Variants in IMPG1 observed in about 807,000 individuals in gnomAD.
IMPG1 encodes interphotoreceptor matrix proteoglycan 1, also known as interphotoreceptor matrix proteoglycan of 150 kDa.
IMPG1 carries 85 observed loss-of-function variants against 92.0 expected under a neutral mutation model. That is an observed-to-expected ratio of 0.92 (90% CI 0.78 to 1.11). The LOEUF is 1.11. Among genes scored for constraint, IMPG1 ranks in the 50% least tolerant of loss-of-function variants. The pLI is 0.00. For synonymous variants in IMPG1, 367 were observed against 334.1 expected (o/e 1.10, Z -1.08); for missense variants, 1,022 against 956.0 (o/e 1.07, Z -0.91).
chr6:76,019,879 A>G (rs1783385848), intron 6 of IMPG1, among the ~76,000 whole-genome samples: 1 of 152,184 alleles, frequency 6.6e-6, no homozygotes, highest in Non-Finnish European at 1.5e-5. Context: ...AACTTATATT[A>G]GCTTTTGAAG....
intron 1 of IMPG1, among the ~76,000 whole-genome samples, chr6:76,060,555 C>T (rs1264707572): frequency 6.6e-6 from 1 of 152,134 alleles, no homozygotes; most frequent in East Asian, 1.9e-4. Context: ...GTTTCATCTG[C>T]CTTGGTGCTC....
chr6:76,041,306 G>C (rs761728790), intron 2 of IMPG1, among the ~76,000 whole-genome samples: 9 of 152,058 alleles, frequency 5.9e-5, no homozygotes, highest in Non-Finnish European at 1.0e-4. Context: ...CTGTGACTCT[G>C]CTGGAAACCA....
intron 12 of IMPG1, among the ~76,000 whole-genome samples, chr6:75,964,093 A>T (rs1468508442): frequency 6.6e-6 from 1 of 152,166 alleles, no homozygotes; most frequent in East Asian, 1.9e-4. Flanking sequence ...GGGAATCTAG[A>T]GGGCCACTTT....
intron 1 of IMPG1, among the ~76,000 whole-genome samples, chr6:76,049,707 A>G (rs570871764): frequency 6.6e-6 from 1 of 152,136 alleles, no homozygotes; most frequent in South Asian, 2.1e-4. Flanking sequence ...AAAACAGACA[A>G]TTTGGGAAAA....
chr6:75,974,363 CTTTCTTTCTTTCTTTCTTTCTTTCTTTCT>C (rs1292987228), intron 12 of IMPG1, among the ~76,000 whole-genome samples: 47 of 96,280 alleles, frequency 4.9e-4, no homozygotes, highest in Middle Eastern at 5.1e-3. Context: ...TTCTTTCTTT[CTTTCTTTCTTTCTTTCTTTCTTTCTTTCT>C]TTTCTTTCTT....
At chr6:76,040,390 GC>G (rs1022665176) in intron 2 of IMPG1, among the ~76,000 whole-genome samples, 6 of 152,216 alleles carry the variant, frequency 3.9e-5, no homozygotes, top group Non-Finnish European at 7.3e-5. Context: ...TCAGTGTGAT[GC>G]AAATACTGTA....
chr6:76,042,955 G>A (rs1033695842), intron 1 of IMPG1, among the ~76,000 whole-genome samples: 5 of 151,908 alleles, frequency 3.3e-5, no homozygotes, highest in African/African-American at 9.7e-5. Context: ...TTACTACATC[G>A]ATGAAACATA....
intron 7 of IMPG1, among the ~76,000 whole-genome samples, chr6:76,017,163 G>C (rs547564665): frequency 6.6e-6 from 1 of 150,736 alleles, no homozygotes; most frequent in Admixed American, 6.6e-5. Context: ...GAAAAGGAGG[G>C]GGATGATAAG....
intron 12 of IMPG1, among the ~76,000 whole-genome samples, chr6:75,973,292 T>TC (rs60771106): frequency 0.28 from 41,958 of 150,894 alleles, 6,197 homozygotes; most frequent in East Asian, 0.51. Context: ...AATCCTACTT[T>TC]CCCCCCCGCC....
At chr6:76,059,821 T>G (rs1784175511) in intron 1 of IMPG1, among the ~76,000 whole-genome samples, 1 of 152,204 alleles carries the variant, frequency 6.6e-6, no homozygotes, top group Non-Finnish European at 1.5e-5. Context: ...ATTGTTAACA[T>G]AATTACTGTC....
chr6:75,937,480 C>A (rs1299832184), intron 14 of IMPG1, among the ~76,000 whole-genome samples: 2 of 152,184 alleles, frequency 1.3e-5, no homozygotes, highest in Non-Finnish European at 2.9e-5. Context: ...GCACACAAAT[C>A]TGGCTTTGAA....
intron 8 of IMPG1, among the ~76,000 whole-genome samples, chr6:76,008,957 A>G (rs1304488528): frequency 1.3e-5 from 2 of 152,200 alleles, no homozygotes; most frequent in African/African-American, 4.8e-5. Context: ...TCTAGAGTCT[A>G]TTATAAATAA....
intron 7 of IMPG1, among the ~76,000 whole-genome samples, chr6:76,013,869 T>C (rs1005074569): frequency 3.3e-5 from 5 of 152,242 alleles, no homozygotes; most frequent in Admixed American, 6.5e-5. Flanking sequence ...TCACTTACAC[T>C]GGGCTTTAGA....
At chr6:76,068,224 A>G (rs1784344318) in intron 1 of IMPG1, among the ~76,000 whole-genome samples, 1 of 152,208 alleles carries the variant, frequency 6.6e-6, no homozygotes, top group African/African-American at 2.4e-5. Flanking sequence ...AGTATTCCAA[A>G]TTGGAAAAGA....
At chr6:76,014,079 A>T (rs1783239858) in intron 7 of IMPG1, among the ~76,000 whole-genome samples, 1 of 152,202 alleles carries the variant, frequency 6.6e-6, no homozygotes, top group African/African-American at 2.4e-5. Context: ...TCTAGCTGCA[A>T]GATCCTGAGT....
intron 13 of IMPG1, among the ~76,000 whole-genome samples, chr6:75,949,536 G>A (rs1781988878): frequency 6.6e-6 from 1 of 152,164 alleles, no homozygotes; most frequent in African/African-American, 2.4e-5. Context: ...CTCTGTCTAT[G>A]GAGTAGCCAT....
At chr6:75,993,483 A>T (rs544593550) in intron 12 of IMPG1, among the ~76,000 whole-genome samples, 1 of 149,134 alleles carries the variant, frequency 6.7e-6, no homozygotes, top group East Asian at 1.9e-4. Context: ...AAAGAGAGAG[A>T]GAAAGGGAGA....
In IMPG1 at chr6:76,065,577, G is replaced by T. The variant is rs527729541; in HGVS notation, c.67+6845C>A. On this transcript the variant is annotated intron_variant, in intron 1 of 16. Coordinates refer to ENST00000369950, the MANE Select transcript of IMPG1 (RefSeq NM_001563.4). The stretch of plus-strand genomic sequence containing the variant: ...AAGGACAAAGCCTTCATGAAGTGGG[G>T]GATTATGTAAAACATCCAAACCTAT... Among the ~76,000 whole-genome samples the T allele has an allele frequency of 7.2e-5, 11 of 152,026 alleles. No individual in the cohort carries two copies. The East Asian group carries it at 2.1e-3, about 29-fold the overall frequency.
chr6:75,927,247 A>G (rs1477943605), intron 15 of IMPG1, among the ~76,000 whole-genome samples: 1 of 152,066 alleles, frequency 6.6e-6, no homozygotes, highest in African/African-American at 2.4e-5. Flanking sequence ...TGTTATTCCC[A>G]TTAGATAGAT....
Sources: allele counts gnomAD v4.1 joint callset (sites outside exome capture counted in the v4.1 genomes callset), GRCh38; gene constraint gnomAD v4.1.1; transcripts MANE v1.5; gene names NCBI Gene and HGNC (gene_info 2026-07-23, HGNC 2026-07-21).